GALNS: variants seen among roughly 807,000 people sequenced by gnomAD.
GALNS encodes galactosamine (N-acetyl)-6-sulfatase, also known as N-acetylgalactosamine-6-sulfatase.
Under a neutral mutation model 65.9 loss-of-function variants are expected in GALNS, and 65 were observed. That is an observed-to-expected ratio of 0.99 (90% confidence interval 0.81 to 1.21). The LOEUF is 1.21. Ranked by LOEUF, GALNS falls within the 50% of genes most tolerant of loss-of-function variation. The pLI, the probability that GALNS is intolerant of heterozygous loss-of-function variation, is 0.00. For synonymous variants in GALNS, 346 were observed against 288.9 expected, an observed-to-expected ratio of 1.20 and a Z score of -2.00; for missense variants, 776 against 700.7, an observed-to-expected ratio of 1.11 and a Z score of -1.21.
intron 1 of GALNS, chr16:88,843,530 G>C (rs1190157185): frequency 1.4e-5 from 4 of 279,758 alleles, no homozygotes; most frequent in African/African-American, 8.7e-5. Context: ...CTAAGATGAG[G>C]TCACGCTGGG....
intron 1 of GALNS, chr16:88,855,124 G>A (rs1206839897): frequency 1.9e-6 from 1 of 535,056 alleles, no homozygotes. Flanking sequence ...AGAAGTAGGT[G>A]AAATACAGAC....
chr16:88,826,938 G>T (rs1479623524), intron 9 of GALNS, 100 bp from the exon 10 acceptor site: 3 of 1,421,504 alleles, frequency 2.1e-6, no homozygotes, highest in Non-Finnish European at 2.9e-6. Flanking sequence ...GCCCAGCTGG[G>T]TCTACAGATA....
rs551415917 is a variant in GALNS, at chr16:88,836,211, A to G, written c.623T>C (p.Ile208Thr). 8 of 1,613,494 alleles carry G rather than the reference A, an allele frequency of 5.0e-6. No individual in the cohort carries two copies. In the East Asian group the frequency reaches 1.8e-4, roughly 36 times the overall value. Residue 208 changes from isoleucine (I) to threonine (T), a missense_variant, in exon 6 of 14, where the codon ATC becomes ACC. Coordinates refer to ENST00000268695, the MANE Select transcript of GALNS (RefSeq NM_000512.5). ...LKTGEANLTQIYLQEALDFIK... is the reference protein window; with the variant it reads ...LKTGEANLTQTYLQEALDFIK... ...TGCGGTCCCCATCACCTGCAGGTAG[A>G]TCTGGGTGAGGTTGGCTTCCCCCGT...
intron 12 of GALNS, 102 bp downstream of exon 12, chr16:88,822,487 G>A: frequency 6.7e-7 from 1 of 1,482,510 alleles, no homozygotes; most frequent in Non-Finnish European, 9.3e-7. Flanking sequence ...GGCAAGGGGA[G>A]GCGGCGGGCA....
chr16:88,821,526 C>T (rs933398203), intron 12 of GALNS, among the ~76,000 whole-genome samples: 5 of 152,326 alleles, frequency 3.3e-5, no homozygotes, highest in Non-Finnish European at 7.4e-5. Flanking sequence ...CTGAGCTGGA[C>T]GCTCGGTGGA....
intron 1 of GALNS, chr16:88,844,827 G>T (rs1428080312): frequency 2.0e-5 from 3 of 152,250 alleles, no homozygotes; most frequent in African/African-American, 7.2e-5. Flanking sequence ...TATGTAAAGG[G>T]CCTCACAGCA....
At chr16:88,852,271 A>G (rs540832819) in intron 1 of GALNS, among the ~76,000 whole-genome samples, 3 of 152,354 alleles carry the variant, frequency 2.0e-5, no homozygotes, top group Admixed American at 2.0e-4. Flanking sequence ...GCAAACTCCA[A>G]CAGACCTGCA....
chr16:88,823,795 C>G (rs543535383), intron 11 of GALNS, among the ~76,000 whole-genome samples: 1 of 148,676 alleles, frequency 6.7e-6, no homozygotes, highest in African/African-American at 2.5e-5. Flanking sequence ...GGGACCGATG[C>G]CCAGGACGGC....
rs1377621146 is a variant in GALNS, at chr16:88,837,003, C to G, written c.566+619G>C. Among the ~76,000 whole-genome samples the G allele has an allele frequency of 1.3e-5, 2 of 152,244 alleles. 1 individual carries two copies. The highest frequency in any genetic ancestry group is 4.1e-4 in the South Asian group (2 of 4,830). ...GGGCTGCGTGGTGCGACTCCCACAC[C>G]TCCACGGGGCTCTATCTAGAAAGAG... On this transcript the variant is annotated intron_variant, in intron 5 of 13. Transcript: ENST00000268695.
chr16:88,843,322 C>G, intron 1 of GALNS: 1 of 734,746 alleles, frequency 1.4e-6, no homozygotes. Flanking sequence ...CGCTGCAACT[C>G]CACTCCTAGC....
intron 5 of GALNS, among the ~76,000 whole-genome samples, chr16:88,836,999 A>T (rs1029511890): frequency 6.6e-6 from 1 of 152,206 alleles, no homozygotes; most frequent in African/African-American, 2.4e-5. Context: ...TGCGACTCCC[A>T]CACCTCCACG....
intron 11 of GALNS, 57 bp from the exon 12 acceptor site, chr16:88,822,767 G>T: frequency 6.3e-7 from 1 of 1,593,448 alleles, no homozygotes; most frequent in Admixed American, 1.7e-5. Flanking sequence ...GCCGTGAGGG[G>T]CCTCGTCTGC....
intron 1 of GALNS, chr16:88,855,664 T>G (rs1217400656): frequency 3.3e-6 from 2 of 599,534 alleles, no homozygotes; most frequent in African/African-American, 3.7e-5. Context: ...TTTAATAAAA[T>G]TGTTAAGTGA....
rs1042572145 is a variant in GALNS, at chr16:88,838,309, G to A, written c.423-544C>T. 4.6e-5 allele frequency among the ~76,000 whole-genome samples: 7 copies of A among 152,258 alleles called. 1 individual carries two copies. The highest frequency in any genetic ancestry group is 9.6e-5 in the African/African-American group (4 of 41,532). Reference sequence around the variant, plus strand: ...CTGGGCGGGGCGTTGTGTGCCGTGCGGGAGCCCCGGGGCCTGCCAGCTGTA... The same window carrying A: ...CTGGGCGGGGCGTTGTGTGCCGTGCAGGAGCCCCGGGGCCTGCCAGCTGTA... On this transcript the variant is annotated intron_variant, in intron 4 of 13. Coordinates refer to ENST00000268695, the MANE Select transcript of GALNS (RefSeq NM_000512.5).
chr16:88,855,474 C>G (rs1967771131), intron 1 of GALNS: 1 of 702,846 alleles, frequency 1.4e-6, no homozygotes, highest in East Asian at 2.7e-5. Flanking sequence ...CTACTGCTGT[C>G]AGGACACGGA....
intron 9 of GALNS, among the ~76,000 whole-genome samples, chr16:88,829,029 G>A (rs539400797): frequency 2.2e-5 from 2 of 91,772 alleles, no homozygotes; most frequent in African/African-American, 3.4e-5. Flanking sequence ...CGCGGGTCCC[G>A]AGTCTCACGC....
intron 4 of GALNS, among the ~76,000 whole-genome samples, chr16:88,839,226 C>G (rs1003632146): frequency 6.7e-6 from 1 of 149,712 alleles, no homozygotes; most frequent in African/African-American, 2.4e-5. Flanking sequence ...CGCCCGGCCA[C>G]AGGGGACACT....
intron 13 of GALNS, chr16:88,815,820 G>A (rs1909561953): frequency 7.1e-6 from 7 of 985,344 alleles, no homozygotes; most frequent in Middle Eastern, 5.2e-4. Flanking sequence ...CCAAACTCCA[G>A]GGGCAGCAGA....
At chr16:88,825,196 AGGGTGCCTGGGTGTCTG>A (rs1910712266) in intron 10 of GALNS, among the ~76,000 whole-genome samples, 1 of 31,124 alleles carries the variant, frequency 3.2e-5, no homozygotes, top group Non-Finnish European at 6.7e-5. Flanking sequence ...CTGGGTGTCT[AGGGTGCCTGGGTGTCTG>A]GGGCGCCTGG....
Sources: gnomAD v4.1 joint callset for allele counts (sites outside exome capture counted in the v4.1 genomes callset) on GRCh38, gnomAD v4.1.1 for gene constraint, MANE v1.5 for transcripts, NCBI Gene and HGNC (gene_info 2026-07-23, HGNC 2026-07-21) for gene names.